The following COL19A1 variants were observed in gnomAD, a reference collection of about 807,000 sequenced individuals.
COL19A1 encodes the protein collagen type XIX alpha 1 chain.
In COL19A1, 159 loss-of-function variants were observed where a neutral mutation model predicts 190.2. That is an observed-to-expected ratio of 0.84 (90% confidence interval 0.73 to 0.95). The LOEUF is 0.95. COL19A1 is among the 40% of genes least tolerant of loss of function. COL19A1 has a pLI of 0.00. For synonymous variants in COL19A1, 509 were observed against 458.9 expected (o/e 1.11, Z -1.39); for missense variants, 1,418 against 1,431.9 (o/e 0.99, Z 0.16).
chr6:70,121,015 C>T (rs1420148930), intron 16 of COL19A1, among the ~76,000 whole-genome samples: 3 of 152,114 alleles, frequency 2.0e-5, no homozygotes, highest in African/African-American at 7.2e-5. Flanking sequence ...CCTTCTGTGT[C>T]TTATCTTATA....
intron 9 of COL19A1, among the ~76,000 whole-genome samples, chr6:69,945,928 T>C: frequency 1.3e-5 from 2 of 152,182 alleles, no homozygotes; most frequent in East Asian, 3.9e-4. Context: ...TTTGTGATAG[T>C]GCTTTTAAGG....
chr6:70,139,913 C>A (rs1047024315), intron 19 of COL19A1, among the ~76,000 whole-genome samples: 1 of 148,564 alleles, frequency 6.7e-6, no homozygotes, highest in African/African-American at 2.5e-5. Flanking sequence ...ACTAGGCTCC[C>A]GGGTTTTTCT....
At chr6:70,025,452 G>C (rs16868440) in intron 12 of COL19A1, among the ~76,000 whole-genome samples, 7,184 of 152,300 alleles carry the variant, frequency 0.047, 577 homozygotes, top group African/African-American at 0.16. Flanking sequence ...GGTTCATTGA[G>C]TGCCTGCTAC....
intron 49 of COL19A1, among the ~76,000 whole-genome samples, chr6:70,203,702 C>T (rs1173667600): frequency 6.6e-6 from 1 of 152,076 alleles, no homozygotes; most frequent in African/African-American, 2.4e-5. Flanking sequence ...AAACTGAAAT[C>T]TTCCTACTGG....
At chr6:70,165,891 C>A (rs1341490924) in intron 36 of COL19A1, 50 bp from the exon 37 acceptor site, 2 of 1,541,344 alleles carry the variant, frequency 1.3e-6, no homozygotes, top group South Asian at 2.3e-5. Flanking sequence ...AGTTTGTAAA[C>A]CTGGGGTAGA....
chr6:70,141,869 T>G (rs1284445260), intron 20 of COL19A1, 24 bp from the exon 21 acceptor site: 1 of 1,477,654 alleles, frequency 6.8e-7, no homozygotes, highest in Admixed American at 1.7e-5. Context: ...AGCATTACCC[T>G]TATAGTAATT....
chr6:70,009,252 A>T (rs2150092752), intron 11 of COL19A1, among the ~76,000 whole-genome samples: 1 of 152,194 alleles, frequency 6.6e-6, no homozygotes, highest in African/African-American at 2.4e-5. Flanking sequence ...TATGTAAAAA[A>T]TTCTGAAGAA....
At chr6:69,910,559 T>C (rs1770845659) in intron 4 of COL19A1, among the ~76,000 whole-genome samples, 1 of 152,214 alleles carries the variant, frequency 6.6e-6, no homozygotes, top group Admixed American at 6.5e-5. Context: ...ATGTACTACT[T>C]AGGAGTCATA....
intron 4 of COL19A1, among the ~76,000 whole-genome samples, chr6:69,909,392 A>G (rs1185251985): frequency 6.6e-6 from 1 of 152,128 alleles, no homozygotes; most frequent in African/African-American, 2.4e-5. Context: ...AATTATAATT[A>G]TAAGCATACA....
In COL19A1 at chr6:70,046,789, A is replaced by C. The variant is rs771048126; in HGVS notation, c.1170+10850A>C. Reference sequence around the variant, plus strand: ...CATAGATGGTAAAATTTAGCATTCTAATCATAAAAATGTGAAATAACTTGC... The same window carrying C: ...CATAGATGGTAAAATTTAGCATTCTCATCATAAAAATGTGAAATAACTTGC... On this transcript the variant is annotated intron_variant, in intron 14 of 50. Coordinates refer to ENST00000620364, the MANE Select transcript of COL19A1 (RefSeq NM_001858.6). 3.5e-4 allele frequency among the ~76,000 whole-genome samples: 54 copies of C among 152,284 alleles called. 1 individual carries two copies. The highest frequency in any genetic ancestry group is 3.4e-3 in the Middle Eastern group (1 of 294).
intron 14 of COL19A1, among the ~76,000 whole-genome samples, chr6:70,067,452 G>A (rs779412352): frequency 6.6e-6 from 1 of 152,110 alleles, no homozygotes; most frequent in African/African-American, 2.4e-5. Context: ...TTGGGGCATG[G>A]TGGAAGAGGA....
chr6:70,205,294 C>T (rs1767787658), intron 49 of COL19A1, among the ~76,000 whole-genome samples: 1 of 152,122 alleles, frequency 6.6e-6, no homozygotes, highest in Admixed American at 6.5e-5. Context: ...ATAATGTGTA[C>T]ATTGTATGAC....
intron 16 of COL19A1, among the ~76,000 whole-genome samples, chr6:70,115,179 C>T (rs1167360072): frequency 6.6e-6 from 1 of 152,198 alleles, no homozygotes; most frequent in Non-Finnish European, 1.5e-5. Flanking sequence ...AAGGGCCATC[C>T]CTTTATTCTT....
chr6:70,150,775 T>C (rs1215077496), intron 30 of COL19A1, among the ~76,000 whole-genome samples: 2 of 152,154 alleles, frequency 1.3e-5, no homozygotes, highest in Non-Finnish European at 1.5e-5. Flanking sequence ...GGCATTACTT[T>C]AACGCCACTG....
chr6:69,872,138 T>G (rs1326852906), intron 1 of COL19A1, among the ~76,000 whole-genome samples: 1 of 149,514 alleles, frequency 6.7e-6, no homozygotes, highest in Non-Finnish European at 1.5e-5. Context: ...TCTTTGTTTT[T>G]TGTTTGTTTT....
intron 1 of COL19A1, among the ~76,000 whole-genome samples, chr6:69,870,328 G>T (rs187631783): frequency 6.6e-6 from 1 of 152,352 alleles, no homozygotes; most frequent in African/African-American, 2.4e-5. Context: ...TAGCAGTGCA[G>T]TATAAAGTGT....
intron 17 of COL19A1, among the ~76,000 whole-genome samples, chr6:70,128,998 A>G (rs1785360415): frequency 6.6e-6 from 1 of 152,222 alleles, no homozygotes; most frequent in Non-Finnish European, 1.5e-5. Context: ...TAAAACTAAC[A>G]GGAGGCTTTT....
rs547005510 is a variant in COL19A1 at position 70,041,533 on chromosome 6, A to T, written c.1170+5594A>T. On this transcript the variant is annotated intron_variant, in intron 14 of 50. Transcript: ENST00000620364. ...AAACCAAACCTTAAACAACCCTGTG[A>T]GGTATAAAATGATTATTACTACATC... Among the ~76,000 whole-genome samples the T allele has an allele frequency of 8.5e-5, 13 of 152,254 alleles. No individual in the cohort carries two copies. In the East Asian group the frequency reaches 2.3e-3, roughly 27 times the overall value.
At chr6:69,867,384 T>A (rs1329843599) in intron 1 of COL19A1, 1 of 155,322 alleles carries the variant, frequency 6.4e-6, no homozygotes, top group Non-Finnish European at 1.4e-5. Context: ...CAGTCCTCCC[T>A]GCAGCCACCG....
Sources: allele counts gnomAD v4.1 joint callset (sites outside exome capture counted in the v4.1 genomes callset), GRCh38; gene constraint gnomAD v4.1.1; transcripts MANE v1.5; gene names NCBI Gene and HGNC (gene_info 2026-07-23, HGNC 2026-07-21).